Variants in PAK4 observed in about 807,000 individuals in gnomAD.
The protein encoded by PAK4 is serine/threonine-protein kinase PAK 4.
A neutral mutation model predicts 53.5 loss-of-function variants in PAK4; 49 were observed. The ratio of observed to expected loss-of-function variants is 0.92; its 90% confidence interval spans 0.73 to 1.16. PAK4 has a LOEUF of 1.16. Ranked by LOEUF, PAK4 falls within the 50% of genes most tolerant of loss-of-function variation. The pLI is 0.00. For synonymous variants in PAK4, 376 were observed against 375.6 expected, an observed-to-expected ratio of 1.00 and a Z score of -0.01; for missense variants, 824 against 850.7, an observed-to-expected ratio of 0.97 and a Z score of 0.39.
At chr19:39,138,433 G>A (rs374118787) in intron 1 of PAK4, among the ~76,000 whole-genome samples, 86 of 152,272 alleles carry the variant, frequency 5.6e-4, no homozygotes, top group African/African-American at 1.6e-3. Context: ...GTGCTCGTGC[G>A]CACACACCTG....
intron 1 of PAK4, among the ~76,000 whole-genome samples, chr19:39,151,434 C>T (rs1200588272): frequency 6.6e-6 from 1 of 152,246 alleles, no homozygotes; most frequent in East Asian, 1.9e-4. Context: ...ACAGGCCTCA[C>T]GCAGGGCCAC....
chr19:39,130,419 G>C (rs2073686588), intron 1 of PAK4, among the ~76,000 whole-genome samples: 1 of 152,070 alleles, frequency 6.6e-6, no homozygotes, highest in Non-Finnish European at 1.5e-5. Flanking sequence ...GCCCAGCGTG[G>C]GGAGTTGAGG....
At chr19:39,182,524 A>G (rs543884763), downstream of PAK4, 5 of 152,336 alleles carry the variant, frequency 3.3e-5, no homozygotes, top group East Asian at 7.7e-4. Flanking sequence ...AGATTTAATA[A>G]TCATGCTAGG....
rs982253755 is a variant in PAK4, at chr19:39,167,135, C to T, written c.-22-2397C>T. Among the ~76,000 whole-genome samples, 19 of 152,350 alleles carry T rather than the reference C, an allele frequency of 1.2e-4. No homozygotes were observed. The East Asian group carries it at 2.5e-3, about 20-fold the overall frequency. On this transcript the variant is annotated intron_variant, in intron 1 of 8. Transcript: ENST00000358301. Reference sequence around the variant, plus strand: ...GTGTCCCCCACCTCAGGGTCTGCCCCGCTGTCCGCCCTCCGGGCTTAGTGA... The same window carrying T: ...GTGTCCCCCACCTCAGGGTCTGCCCTGCTGTCCGCCCTCCGGGCTTAGTGA...
At chr19:39,150,102 A>G (rs1356118294) in intron 1 of PAK4, among the ~76,000 whole-genome samples, 1 of 152,174 alleles carries the variant, frequency 6.6e-6, no homozygotes, top group Non-Finnish European at 1.5e-5. Flanking sequence ...ATATTTTACC[A>G]TAATAAAAAT....
At chr19:39,160,350 C>T (rs919905861) in intron 1 of PAK4, among the ~76,000 whole-genome samples, 3 of 135,924 alleles carry the variant, frequency 2.2e-5, no homozygotes, top group Non-Finnish European at 1.6e-5. Context: ...CTCTAGATGC[C>T]GGCAAGAACC....
chr19:39,173,670 C>T lies in PAK4; in HGVS notation c.758C>T (p.Ala253Val). ...TCCTCCTCCCGGCCTCCCACCCGAG[C>T]CCGAGGTGCCCCCAGCCCTGGAGTG... Residue 253 changes from alanine to valine, a missense_variant, in exon 4 of 9, where the codon GCC becomes GTC. Ala to Val is a moderately conservative substitution (Grantham distance 64). Coordinates refer to ENST00000358301, the Ensembl canonical transcript of PAK4. The surrounding 1 kb of genome is among the most constrained non-coding windows in gnomAD (Gnocchi z 6.9). 2 of 1,587,210 alleles carry T rather than the reference C, an allele frequency of 1.3e-6. No individual in the cohort carries two copies. Among genetic ancestry groups the T allele is most frequent in the East Asian group, 2.3e-5 (1 of 43,882 alleles).
Position 39,173,168 on chromosome 19 carries a change from G to A in PAK4, c.455G>A (p.Arg152Gln), listed in dbSNP as rs765954953. ...GCGGGTGGCGGCAGTGGTGACAGGC[G>A]ACGGGCGGGGCCAGAGAAGAGGCCC... Residue 152 changes from arginine to glutamine, a missense_variant, in exon 3 of 9, where the codon CGA (arginine) becomes CAA (glutamine). Physicochemically the swap from Arg to Gln is conservative, Grantham distance 43. This residue lies in a region of PAK4 where 478 missense variants were observed against 435.8 expected (regional missense o/e 1.10). Transcript: ENST00000358301. This position sits in a 1 kb window ranked among gnomAD's most constrained non-coding sequence, Gnocchi z 6.9. 100 of 1,540,634 alleles carry A rather than the reference G, an allele frequency of 6.5e-5. No homozygotes were observed. The highest frequency in any genetic ancestry group is 4.8e-4 in the African/African-American group (35 of 73,000).
chr19:39,162,441 T>A (rs958889746), intron 1 of PAK4, among the ~76,000 whole-genome samples: 2 of 152,150 alleles, frequency 1.3e-5, no homozygotes, highest in Non-Finnish European at 2.9e-5. Context: ...TTATTTTTTA[T>A]TTTTGGGGTA....
chr19:39,133,488 G>T (rs79233472), intron 1 of PAK4, among the ~76,000 whole-genome samples: 3 of 152,084 alleles, frequency 2.0e-5, no homozygotes, highest in Admixed American at 2.0e-4. Context: ...ACCTGGCCCC[G>T]TCACAGAGCA....
At chr19:39,156,336 C>G (rs1206090214) in intron 1 of PAK4, among the ~76,000 whole-genome samples, 1 of 151,802 alleles carries the variant, frequency 6.6e-6, no homozygotes, top group Non-Finnish European at 1.5e-5. Context: ...TCCCCAGCCA[C>G]CCCCACGTAC....
chr19:39,145,067 CA>C, intron 1 of PAK4, among the ~76,000 whole-genome samples: 1 of 152,276 alleles, frequency 6.6e-6, no homozygotes, highest in African/African-American at 2.4e-5. Context: ...CTGCCCTTCC[CA>C]GTGCTAACAA....
At chr19:39,167,474 G>A (rs191088906) in intron 1 of PAK4, among the ~76,000 whole-genome samples, 429 of 152,244 alleles carry the variant, frequency 2.8e-3, no homozygotes, top group African/African-American at 9.6e-3. Flanking sequence ...GGAAGGCCAC[G>A]AGGGAGGGGT....
intron 1 of PAK4, among the ~76,000 whole-genome samples, chr19:39,159,741 G>T (rs906327123): frequency 6.6e-6 from 1 of 152,204 alleles, no homozygotes; most frequent in East Asian, 1.9e-4. Flanking sequence ...AGGTTGAGGG[G>T]GCAGGGGGCT....
chr19:39,139,660 C>T (rs1235304687), intron 1 of PAK4, among the ~76,000 whole-genome samples: 1 of 152,164 alleles, frequency 6.6e-6, no homozygotes, highest in Non-Finnish European at 1.5e-5. Flanking sequence ...CTCTTTACAC[C>T]CTCCCCCATC....
At chr19:39,180,178 CAG>C (rs1225152329), downstream of PAK4, 1 of 152,332 alleles carries the variant, frequency 6.6e-6, no homozygotes, top group African/African-American at 2.4e-5. Context: ...CCCCAAGAAT[CAG>C]AGCACTGTGT....
intron 1 of PAK4, among the ~76,000 whole-genome samples, chr19:39,132,206 C>A (rs692191): frequency 6.6e-6 from 1 of 151,994 alleles, no homozygotes; most frequent in Non-Finnish European, 1.5e-5. Flanking sequence ...TCCCGTGTTT[C>A]AATTTTCAGA....
In PAK4 at chr19:39,173,940, C is replaced by T. The variant is rs149267288; in HGVS notation, c.1028C>T (p.Ser343Leu). The change falls in exon 4 of 9, where the codon TCG (serine) becomes TTG (leucine). Residue 343 changes from serine to leucine, a missense_variant. Physicochemically the swap from Ser to Leu is moderately radical, Grantham distance 145. Around this residue, in one of 2 missense-constraint regions of PAK4, gnomAD observed 346 missense variants for 415.0 expected, o/e 0.83. Coordinates refer to ENST00000358301, the Ensembl canonical transcript of PAK4. The surrounding 1 kb of genome is among the most constrained non-coding windows in gnomAD (Gnocchi z 6.9). ...GTGTGCATCGCCACCGTGCGCAGCT[C>T]GGGCAAGCTGGTGGCCGTCAAGAAG... The T allele has an allele frequency of 2.1e-4, 335 of 1,611,052 alleles. No individual in the cohort carries two copies. The highest frequency in any genetic ancestry group is 2.8e-4 in the South Asian group (25 of 90,884).
chr19:39,172,955 C>G lies in PAK4; in HGVS notation c.242C>G (p.Ala81Gly), dbSNP rs992815314. The G allele has an allele frequency of 5.2e-6, 8 of 1,545,214 alleles. No individual in the cohort carries two copies. The African/African-American group carries it at 1.1e-4, about 21-fold the overall frequency. Residue 81 changes from alanine to glycine, a missense_variant, in exon 3 of 9, where the codon GCC (alanine) becomes GGC (glycine). This residue lies in a region of PAK4 where 478 missense variants were observed against 435.8 expected (regional missense o/e 1.10). Coordinates refer to ENST00000358301, the Ensembl canonical transcript of PAK4. ...GGCAGCAAAGGTGCCAAAGATGGGG[C>G]CCTCACGCTGCTGCTGGACGAGTTT...
Sources: allele counts gnomAD v4.1 joint callset (sites outside exome capture counted in the v4.1 genomes callset), GRCh38; gene constraint gnomAD v4.1.1; regional missense constraint gnomAD v4.1.1; non-coding constraint Gnocchi (gnomAD v3.1); transcripts MANE v1.5; gene names NCBI Gene and HGNC (gene_info 2026-07-23, HGNC 2026-07-21).